PCDH9: variants seen among roughly 807,000 people sequenced by gnomAD.
The protein encoded by PCDH9 is protocadherin 9.
PCDH9 carries 24 observed loss-of-function variants against 70.6 expected under a neutral mutation model. The ratio of observed to expected loss-of-function variants is 0.34; its 90% CI spans 0.25 to 0.48. The LOEUF is 0.48. Among genes scored for constraint, PCDH9 ranks in the 20% least tolerant of loss-of-function variants. PCDH9 has a pLI of 0.99. For missense variants in PCDH9, 1,281 were observed against 1,503.6 expected, an observed-to-expected ratio of 0.85 and a Z score of 2.45; for synonymous variants, 562 against 558.5, an observed-to-expected ratio of 1.01 and a Z score of -0.09.
At chr13:66,926,558 C>T (rs1011525222) in intron 2 of PCDH9, among the ~76,000 whole-genome samples, 7 of 152,020 alleles carry the variant, frequency 4.6e-5, no homozygotes, top group Non-Finnish European at 7.4e-5. Flanking sequence ...AATTACCATT[C>T]TAGAATATCA....
chr13:67,228,866 C>T (rs1348234865), intron 1 of PCDH9, among the ~76,000 whole-genome samples: 1 of 152,122 alleles, frequency 6.6e-6, no homozygotes, highest in Non-Finnish European at 1.5e-5. Context: ...TTCTTGTTCT[C>T]CTCTTCCCCT....
chr13:67,229,589 T>A (rs1196228614), intron 1 of PCDH9, among the ~76,000 whole-genome samples, 191 bp downstream of exon 1: 1 of 152,190 alleles, frequency 6.6e-6, no homozygotes, highest in Non-Finnish European at 1.5e-5. Flanking sequence ...TCTAATCTTA[T>A]CTGCATTAGG....
chr13:66,472,039 C>T (rs1411599116), intron 4 of PCDH9, among the ~76,000 whole-genome samples: 1 of 151,586 alleles, frequency 6.6e-6, no homozygotes, highest in Non-Finnish European at 1.5e-5. Flanking sequence ...GGTGAAACCC[C>T]GTCTCTACTA....
At chr13:66,388,802 G>GA (rs1051013010) in intron 4 of PCDH9, among the ~76,000 whole-genome samples, 3 of 151,824 alleles carry the variant, frequency 2.0e-5, no homozygotes, top group South Asian at 2.1e-4. Context: ...AAGTCTCTTG[G>GA]AAAAAAATAG....
intron 4 of PCDH9, among the ~76,000 whole-genome samples, chr13:66,337,130 T>C (rs1956050202): frequency 6.6e-6 from 1 of 152,022 alleles, no homozygotes; most frequent in Non-Finnish European, 1.5e-5. Flanking sequence ...AAAAGCACTA[T>C]AGGAATATAA....
At chr13:67,061,579 T>G (rs2085540356) in intron 2 of PCDH9, among the ~76,000 whole-genome samples, 1 of 152,072 alleles carries the variant, frequency 6.6e-6, no homozygotes, top group Admixed American at 6.6e-5. Context: ...AAATTTTACT[T>G]TTTAGTGGAG....
intron 4 of PCDH9, among the ~76,000 whole-genome samples, chr13:66,623,111 G>A (rs547415094): frequency 8.5e-5 from 13 of 152,308 alleles, no homozygotes; most frequent in Non-Finnish European, 1.8e-4. Context: ...CAGACACGCC[G>A]CCTTTAAGAA....
At chr13:66,868,642 A>G (rs957423807) in intron 3 of PCDH9, among the ~76,000 whole-genome samples, 5 of 152,126 alleles carry the variant, frequency 3.3e-5, no homozygotes, top group Non-Finnish European at 1.5e-5. Flanking sequence ...ATAAAAACCA[A>G]CGATAAATAC....
intron 3 of PCDH9, among the ~76,000 whole-genome samples, chr13:66,723,616 T>C (rs2078969720): frequency 6.6e-6 from 1 of 152,146 alleles, no homozygotes; most frequent in African/African-American, 2.4e-5. Flanking sequence ...AAGAAAACTG[T>C]AGGGCAAAAC....
chr13:66,739,889 A>C (rs1336209453), intron 3 of PCDH9, among the ~76,000 whole-genome samples: 1 of 140,776 alleles, frequency 7.1e-6, no homozygotes, highest in South Asian at 2.6e-4. Context: ...CACATTAATA[A>C]TGGGAGACTT....
At chr13:66,981,394 T>C (rs187370746) in intron 2 of PCDH9, among the ~76,000 whole-genome samples, 11,465 of 145,152 alleles carry the variant, frequency 0.079, 1,129 homozygotes, top group African/African-American at 0.24. Context: ...GCCGAGATCG[T>C]GCCACTGCAC....
chr13:67,134,281 G>A (rs2087177992), intron 2 of PCDH9, among the ~76,000 whole-genome samples: 1 of 152,012 alleles, frequency 6.6e-6, no homozygotes, highest in Non-Finnish European at 1.5e-5. Context: ...CACTCCCTGA[G>A]GTTTTTAGAT....
intron 4 of PCDH9, among the ~76,000 whole-genome samples, chr13:66,317,679 A>G (rs1454568036): frequency 6.6e-6 from 1 of 152,164 alleles, no homozygotes; most frequent in Admixed American, 6.5e-5. Flanking sequence ...AAATACAGAC[A>G]ACAGTGCAGA....
chr13:66,532,657 C>T (rs530657054), intron 4 of PCDH9, among the ~76,000 whole-genome samples: 2 of 152,276 alleles, frequency 1.3e-5, no homozygotes, highest in Admixed American at 1.3e-4. Context: ...ATTCTCCTGC[C>T]TCTGCCTCCC....
At chr13:66,739,138 A>T (rs968112650) in intron 3 of PCDH9, among the ~76,000 whole-genome samples, 6 of 144,514 alleles carry the variant, frequency 4.2e-5, no homozygotes, top group African/African-American at 1.5e-4. Flanking sequence ...CTAACAGCGG[A>T]TCTCTCGGCA....
In PCDH9 at chr13:66,317,067, A is replaced by G. The variant is rs142053824; in HGVS notation, c.3341-12039T>C. Among the ~76,000 whole-genome samples, 12 of 152,182 alleles carry G rather than the reference A, an allele frequency of 7.9e-5. No individual in the cohort carries two copies. In the East Asian group the frequency reaches 2.3e-3, roughly 29 times the overall value. On this transcript the variant is annotated intron_variant, in intron 4 of 4. Coordinates refer to ENST00000377865, the MANE Select transcript of PCDH9 (RefSeq NM_203487.3). ...GATAGCACTCATCACTACCTTTCAC[A>G]ATACATTTATTTGTTAATGGTCTAT...
At chr13:66,787,009 T>C (rs1222396558) in intron 3 of PCDH9, among the ~76,000 whole-genome samples, 1 of 152,176 alleles carries the variant, frequency 6.6e-6, no homozygotes, top group African/African-American at 2.4e-5. Context: ...ATAATATTTA[T>C]CCAACATCTT....
intron 2 of PCDH9, among the ~76,000 whole-genome samples, chr13:67,006,133 AG>A (rs1380688773): frequency 6.6e-6 from 1 of 152,194 alleles, no homozygotes; most frequent in African/African-American, 2.4e-5. Context: ...AGGCTGAGGC[AG>A]GAGAATGGCG....
chr13:67,048,689 T>C (rs558348509), intron 2 of PCDH9, among the ~76,000 whole-genome samples: 1 of 152,338 alleles, frequency 6.6e-6, no homozygotes, highest in African/African-American at 2.4e-5. Context: ...GCTATTTGGC[T>C]TTAATTAAAA....
Sources: gnomAD v4.1 joint callset for allele counts (sites outside exome capture counted in the v4.1 genomes callset) on GRCh38, gnomAD v4.1.1 for gene constraint, MANE v1.5 for transcripts, NCBI Gene and HGNC (gene_info 2026-07-23, HGNC 2026-07-21) for gene names.